NLRP8: variants seen among roughly 807,000 people sequenced by gnomAD.
NLRP8 encodes the protein NACHT, LRR and PYD domains-containing protein 8.
A neutral mutation model predicts 88.7 loss-of-function variants in NLRP8; 86 were observed. That is an observed-to-expected ratio of 0.97 (90% confidence interval 0.81 to 1.16). The LOEUF is 1.16. Among genes scored for constraint, NLRP8 ranks in the 50% most tolerant of loss-of-function variants. The probability of loss-of-function intolerance (pLI) is 0.00; values close to 1 mark genes in which losing one functional copy is unlikely to be tolerated. For synonymous variants in NLRP8, 504 were observed against 494.6 expected (o/e 1.02, Z -0.25); for missense variants, 1,342 against 1,286.5 (o/e 1.04, Z -0.66).
At position 55,987,048 on chromosome 19, in the gene NLRP8, C is replaced by T. The variant is rs146599610; in HGVS notation, c.3048-766C>T. Among the ~76,000 whole-genome samples, 211 of 152,320 alleles carry T rather than the reference C, an allele frequency of 1.4e-3. 1 individual carries two copies. Among genetic ancestry groups the T allele is most frequent in the Non-Finnish European group, 2.6e-3 (174 of 68,018 alleles). The stretch of plus-strand genomic sequence containing the variant: ...ACTTGGGGTATTTAGGTAAGTCTCT[C>T]GTCCTTTTCAGACATTCGGTCTAAA... On this transcript the variant is annotated intron_variant, in intron 9 of 9. Transcript: ENST00000291971.
At chr19:55,970,512 C>A in intron 5 of NLRP8, 32 bp from the exon 6 acceptor site, 1 of 1,610,982 alleles carries the variant, frequency 6.2e-7, no homozygotes, top group Non-Finnish European at 8.5e-7. Flanking sequence ...TCCCCAGAAC[C>A]ATGGCTCAGC....
chr19:55,961,671 G>C (rs568247409), intron 3 of NLRP8, among the ~76,000 whole-genome samples: 7 of 152,236 alleles, frequency 4.6e-5, no homozygotes, highest in African/African-American at 7.2e-5. Flanking sequence ...GTGTGGTGGC[G>C]TGTGCCTGTA....
rs1979322916 is a variant in NLRP8 at position 55,955,723 on chromosome 19, GGGACTTTTCTTATTC to G, written c.1668_1682del (p.Leu557_Gly561del). 1 of 1,613,938 alleles carries G rather than the reference GGGACTTTTCTTATTC, an allele frequency of 6.2e-7. No individual in the cohort carries two copies. The highest frequency in any genetic ancestry group is 8.5e-7 in the Non-Finnish European group (1 of 1,179,928). On this transcript the variant is annotated inframe_deletion, in exon 3 of 10. Coordinates refer to ENST00000291971, the MANE Select transcript of NLRP8 (RefSeq NM_176811.2). ...GAAGCAAAAGCTATCTCTCTCACATGGGACTTTTCTTATTCGGTTTTCTGAACGAGGCCTGCGCTT... is the reference window on the plus strand; with the variant it reads ...GAAGCAAAAGCTATCTCTCTCACATGGGTTTTCTGAACGAGGCCTGCGCTT...
chr19:55,972,215 A>G (rs567984362), intron 6 of NLRP8, among the ~76,000 whole-genome samples: 110 of 150,752 alleles, frequency 7.3e-4, no homozygotes, highest in Non-Finnish European at 1.2e-3. Context: ...CCCTGCTTCA[A>G]GTGATTCTCC....
At chr19:55,974,763 GCCCA>G (rs1980233908) in intron 7 of NLRP8, among the ~76,000 whole-genome samples, 3 of 151,460 alleles carry the variant, frequency 2.0e-5, no homozygotes, top group Admixed American at 1.3e-4. Context: ...AAGAAAAAAG[GCCCA>G]TTGTTTTACT....
intron 7 of NLRP8, 80 bp from the exon 8 acceptor site, chr19:55,976,053 A>T: frequency 1.5e-6 from 2 of 1,312,082 alleles, no homozygotes; most frequent in Non-Finnish European, 2.1e-6. Flanking sequence ...GTAAAACCTA[A>T]GGGTGTTTTC....
At position 55,988,149 on chromosome 19, in the gene NLRP8, T is replaced by A; in HGVS notation, c.*236T>A. On this transcript the variant is annotated 3_prime_UTR_variant, in exon 10 of 10. Transcript: ENST00000291971. The stretch of plus-strand genomic sequence containing the variant: ...GGCTCACGCCTGTAACCCAGCACTA[T>A]GGGAGGTCGAGGTGGGCAGATTACC... 1 of 323,858 alleles carries A rather than the reference T, an allele frequency of 3.1e-6. No individual in the cohort carries two copies. Among genetic ancestry groups the A allele is most frequent in the Non-Finnish European group, 5.8e-6 (1 of 173,018 alleles). 20.1% of individuals were successfully genotyped at this position (323,858 alleles called of 1,614,324 possible).
Position 55,947,894 on chromosome 19 carries a change from T to C in NLRP8, c.-9T>C, listed in dbSNP as rs1259274165. The stretch of plus-strand genomic sequence containing the variant: ...GTGGACACTGAGGTGTTCTCTGCCT[T>C]GACTAAAGATGAGTGACGTGAATCC... On this transcript the variant is annotated 5_prime_UTR_variant, in exon 1 of 10. Transcript: ENST00000291971. 6.2e-7 allele frequency: 1 copy of C among 1,603,082 alleles called. No individual in the cohort carries two copies.
intron 8 of NLRP8, among the ~76,000 whole-genome samples, chr19:55,977,532 T>C (rs1009219605): frequency 5.5e-5 from 8 of 145,746 alleles, no homozygotes; most frequent in African/African-American, 1.7e-4. Context: ...ATATATAATA[T>C]TAAAATATAT....
chr19:55,969,464 C>G (rs899746471), intron 5 of NLRP8, among the ~76,000 whole-genome samples: 5 of 152,190 alleles, frequency 3.3e-5, no homozygotes, highest in African/African-American at 9.6e-5. Context: ...GAGTAGTATT[C>G]CATGGTGTGT....
chr19:55,952,370 A>G lies in NLRP8; in HGVS notation c.368-168A>G, dbSNP rs559521437. ...TCTCATTTCCTAAAATTGCTGTGAT[A>G]GAGATAGATCTAGGTGATTTTCTTC... On this transcript the variant is annotated intron_variant, in intron 1 of 9. Transcript: ENST00000291971. 2.0e-5 allele frequency among the ~76,000 whole-genome samples: 3 copies of G among 152,336 alleles called. No individual in the cohort carries two copies. The East Asian group carries it at 5.8e-4, about 29-fold the overall frequency.
intron 9 of NLRP8, among the ~76,000 whole-genome samples, chr19:55,987,075 T>C (rs1980879422): frequency 1.3e-5 from 2 of 152,206 alleles, no homozygotes; most frequent in African/African-American, 2.4e-5. Context: ...CGGTCTAAAA[T>C]ACTGTACAGA....
In NLRP8 at chr19:55,962,172, G is replaced by C; in HGVS notation, c.2148G>C (p.Gly716=). ...TGACTATGACCAACAGTGTTTTGGG[G>C]CCTCCTTTTTTGAAGGCTCTCGCGG... Residue 716 remains glycine (G), a synonymous_variant, in exon 4 of 10, where the codon GGG becomes GGC. Coordinates refer to ENST00000291971, the MANE Select transcript of NLRP8 (RefSeq NM_176811.2). 6.2e-7 allele frequency: 1 copy of C among 1,614,170 alleles called. No individual in the cohort carries two copies. Among genetic ancestry groups the C allele is most frequent in the East Asian group, 2.2e-5 (1 of 44,878 alleles).
rs962912623 is a variant in NLRP8 at position 55,952,695 on chromosome 19, G to T, written c.442+83G>T. On this transcript the variant is annotated intron_variant, in intron 2 of 9. Transcript: ENST00000291971. Reference sequence around the variant, plus strand: ...GCTGCTCAGTTGCTAAGGCAAGCCAGATTTTAAGTTACCATGTCCAGTGTT... The same window carrying T: ...GCTGCTCAGTTGCTAAGGCAAGCCATATTTTAAGTTACCATGTCCAGTGTT... 1.0e-5 allele frequency: 10 copies of T among 999,048 alleles called. No individual in the cohort carries two copies. In the African/African-American group the frequency reaches 1.3e-4, roughly 13 times the overall value. 61.9% of individuals were successfully genotyped at this position (999,048 alleles called of 1,614,324 possible).
chr19:55,969,405 T>C (rs559286833), intron 5 of NLRP8, among the ~76,000 whole-genome samples: 1 of 152,296 alleles, frequency 6.6e-6, no homozygotes. Context: ...GGCCTCCAGC[T>C]CCATCCAAGT....
intron 9 of NLRP8, among the ~76,000 whole-genome samples, chr19:55,987,446 TAGG>T (rs1454055223): frequency 2.0e-5 from 3 of 152,200 alleles, no homozygotes; most frequent in Admixed American, 6.5e-5. Context: ...CTGCATTTGG[TAGG>T]AGTCCAGAGG....
chr19:55,988,123 T>C lies in NLRP8; in HGVS notation c.*210T>C. On this transcript the variant is annotated 3_prime_UTR_variant, in exon 10 of 10. Transcript: ENST00000291971. ...ATATGCTATGTAAGGCTGGGCGTGG[T>C]GGCTCACGCCTGTAACCCAGCACTA... 1 of 460,846 alleles carries C rather than the reference T, an allele frequency of 2.2e-6. No individual in the cohort carries two copies. The highest frequency in any genetic ancestry group is 4.0e-6 in the Non-Finnish European group (1 of 250,974). 28.5% of individuals were successfully genotyped at this position (460,846 alleles called of 1,614,324 possible).
At chr19:55,961,389 T>G (rs576013684) in intron 3 of NLRP8, among the ~76,000 whole-genome samples, 1 of 152,344 alleles carries the variant, frequency 6.6e-6, no homozygotes, top group Non-Finnish European at 1.5e-5. Context: ...AGATTAATTT[T>G]TCCTTTATTC....
rs112742212 is a variant in NLRP8, at chr19:55,952,014, A to C, written c.368-524A>C. Among the ~76,000 whole-genome samples, 377 of 152,244 alleles carry C rather than the reference A, an allele frequency of 2.5e-3. 2 individuals are homozygous for C. Among genetic ancestry groups the C allele is most frequent in the African/African-American group, 8.7e-3 (360 of 41,554 alleles). ...CAATCCTCCTGCCTCAGCCTCCCAA[A>C]GTGCTGGGATTACAGGCGTGAGCCA... is the stretch of plus-strand genomic sequence containing the variant. On this transcript the variant is annotated intron_variant, in intron 1 of 9. Transcript: ENST00000291971.
Sources: allele counts gnomAD v4.1 joint callset (sites outside exome capture counted in the v4.1 genomes callset), GRCh38; gene constraint gnomAD v4.1.1; transcripts MANE v1.5; gene names NCBI Gene and HGNC (gene_info 2026-07-23, HGNC 2026-07-21).